ZNF292: variants seen among roughly 807,000 people sequenced by gnomAD.
The protein encoded by ZNF292 is 16 zinc-finger domain protein.
Under a neutral mutation model 217.9 loss-of-function variants are expected in ZNF292, and 26 were observed. The ratio of observed to expected loss-of-function variants is 0.12; its 90% CI spans 0.09 to 0.17. The LOEUF (loss-of-function observed/expected upper bound fraction) is 0.17, where lower values mean the gene tolerates loss of function less well. Ranked by LOEUF, ZNF292 falls within the 10% of genes least tolerant of loss-of-function variation. The probability of loss-of-function intolerance (pLI) is 1.00; values close to 1 mark genes in which losing one functional copy is unlikely to be tolerated. For synonymous variants in ZNF292, 1,257 were observed against 1,124.1 expected, an observed-to-expected ratio of 1.12 and a Z score of -2.37; for missense variants, 2,904 against 3,175.2, an observed-to-expected ratio of 0.91 and a Z score of 2.05.
intron 5 of ZNF292, among the ~76,000 whole-genome samples, 193 bp from the exon 6 acceptor site, chr6:87,243,282 T>TG (rs1774399852): frequency 6.8e-6 from 1 of 146,464 alleles, no homozygotes; most frequent in South Asian, 2.1e-4. Flanking sequence ...AAAGAAAGGT[T>TG]TTTTTTTTTT....
intron 1 of ZNF292, among the ~76,000 whole-genome samples, chr6:87,180,885 G>A (rs972090237): frequency 6.6e-5 from 10 of 152,118 alleles, no homozygotes; most frequent in Non-Finnish European, 1.3e-4. Flanking sequence ...ATTAATAATT[G>A]TAATTGAGAG....
chr6:87,209,743 T>TG (rs1772402961), intron 1 of ZNF292, among the ~76,000 whole-genome samples: 1 of 152,222 alleles, frequency 6.6e-6, no homozygotes, highest in Admixed American at 6.5e-5. Flanking sequence ...GGTAATGTGA[T>TG]GGGTTTATTG....
chr6:87,172,292 C>T lies in ZNF292; in HGVS notation c.168+16533C>T, dbSNP rs528261957. On this transcript the variant is annotated intron_variant, in intron 1 of 7. Coordinates refer to ENST00000369577, the MANE Select transcript of ZNF292 (RefSeq NM_015021.3). ...AGTAGTCAGAATCACATTTATCTTG[C>T]TTTCATCCGACTACTCCTCCAAGAC... Among the ~76,000 whole-genome samples the T allele has an allele frequency of 3.9e-5, 6 of 152,250 alleles. 1 individual carries two copies. The East Asian group carries it at 1.2e-3, about 29-fold the overall frequency.
chr6:87,160,442 TAC>T (rs1481689141), intron 1 of ZNF292, among the ~76,000 whole-genome samples: 1 of 152,020 alleles, frequency 6.6e-6, no homozygotes, highest in African/African-American at 2.4e-5. Context: ...AGGGTTGAAT[TAC>T]AGTCGTGTGT....
chr6:87,208,510 T>C (rs866476434), intron 1 of ZNF292, among the ~76,000 whole-genome samples: 2 of 152,170 alleles, frequency 1.3e-5, no homozygotes, highest in Non-Finnish European at 2.9e-5. Flanking sequence ...GTAGATGTAA[T>C]ATGTTTTCTC....
intron 7 of ZNF292, among the ~76,000 whole-genome samples, chr6:87,252,668 T>C (rs1379375783): frequency 1.9e-4 from 29 of 152,236 alleles, no homozygotes. Flanking sequence ...AGTATGCAGC[T>C]TCACAGACCA....
chr6:87,251,926 T>TGCA (rs1388910759), intron 7 of ZNF292, among the ~76,000 whole-genome samples: 1 of 152,218 alleles, frequency 6.6e-6, no homozygotes, highest in Non-Finnish European at 1.5e-5. Context: ...TGAATTTAGT[T>TGCA]GCAGACTGGA....
Position 87,159,403 on chromosome 6 carries a change from G to T in ZNF292, c.168+3644G>T, listed in dbSNP as rs1349378306. ...TTTTATTTTATTTTTGAGAGATGGG[G>T]TCTTGCTACATTGCCCAGGTATGAT... On this transcript the variant is annotated intron_variant, in intron 1 of 7. Coordinates refer to ENST00000369577, the MANE Select transcript of ZNF292 (RefSeq NM_015021.3). 2.0e-5 allele frequency among the ~76,000 whole-genome samples: 3 copies of T among 150,388 alleles called. No homozygotes were observed. The East Asian group carries it at 5.8e-4, about 29-fold the overall frequency.
At position 87,263,563 on chromosome 6, in the gene ZNF292, G is replaced by A. The variant is rs768518735; in HGVS notation, c.*1762G>A. On this transcript the variant is annotated 3_prime_UTR_variant, in exon 8 of 8. Coordinates refer to ENST00000369577, the MANE Select transcript of ZNF292 (RefSeq NM_015021.3). ...TTTTTAGGGCCTTTTGGGTTTTATT[G>A]AATAGTTCATTTCACCTGTTTAAGA... The A allele has an allele frequency of 6.6e-6, 1 of 151,488 alleles. No individual in the cohort carries two copies. The highest frequency in any genetic ancestry group is 1.5e-5 in the Non-Finnish European group (1 of 67,810). 9.4% of individuals were successfully genotyped at this position (151,488 alleles called of 1,614,324 possible). A position where few individuals can be genotyped will look rare whatever the true frequency, so the allele number is the denominator to read the frequency against.
intron 1 of ZNF292, among the ~76,000 whole-genome samples, chr6:87,192,521 A>G (rs970369219): frequency 6.6e-6 from 1 of 152,072 alleles, no homozygotes; most frequent in Admixed American, 6.5e-5. Context: ...TTTATCATGG[A>G]CACTCTTCCA....
In ZNF292 at chr6:87,217,318, T is replaced by C. The variant is rs1296212475; in HGVS notation, c.402+941T>C. Among the ~76,000 whole-genome samples, 4 of 152,084 alleles carry C rather than the reference T, an allele frequency of 2.6e-5. No homozygotes were observed. In the East Asian group the frequency reaches 7.7e-4, roughly 29 times the overall value. On this transcript the variant is annotated intron_variant, in intron 3 of 7. Transcript: ENST00000369577. ...CCTTGAAGGTGGAATTCATATCTTA[T>C]TTAACGTCATAGGATTCTGCATAAT...
chr6:87,179,622 T>G (rs1043139615), intron 1 of ZNF292, among the ~76,000 whole-genome samples: 7 of 152,198 alleles, frequency 4.6e-5, no homozygotes, highest in Non-Finnish European at 1.0e-4. Context: ...ATCATATGTA[T>G]AAATATATAT....
At chr6:87,215,779 C>T (rs1018328081) in intron 1 of ZNF292, 124 bp from the exon 2 acceptor site, 13 of 659,462 alleles carry the variant, frequency 2.0e-5, no homozygotes, top group Middle Eastern at 4.4e-4. Context: ...TCAATATAAA[C>T]TACTTTTTGT....
intron 1 of ZNF292, among the ~76,000 whole-genome samples, chr6:87,183,333 CT>C (rs1219752874): frequency 1.3e-5 from 2 of 151,528 alleles, no homozygotes; most frequent in African/African-American, 4.8e-5. Context: ...TTATCAAATA[CT>C]TTTTTTTTCT....
chr6:87,228,886 T>A (rs750090433), intron 4 of ZNF292, among the ~76,000 whole-genome samples: 8 of 152,188 alleles, frequency 5.3e-5, no homozygotes, highest in Non-Finnish European at 1.0e-4. Flanking sequence ...TTGTTCTTTG[T>A]CAGTTATTTT....
At chr6:87,254,505 C>T in intron 7 of ZNF292, 145 bp from the exon 8 acceptor site, 1 of 729,072 alleles carries the variant, frequency 1.4e-6, no homozygotes, top group South Asian at 2.0e-5. Flanking sequence ...CCAGACTAAG[C>T]TGCAGTGCTT....
intron 5 of ZNF292, among the ~76,000 whole-genome samples, 190 bp from the exon 6 acceptor site, chr6:87,243,285 T>G (rs1774400855): frequency 6.6e-6 from 1 of 151,772 alleles, no homozygotes; most frequent in Non-Finnish European, 1.5e-5. Context: ...GAAAGGTTTT[T>G]TTTTTTTTTT....
At position 87,187,717 on chromosome 6, in the gene ZNF292, A is replaced by C. The variant is rs77530388; in HGVS notation, c.169-28186A>C. Among the ~76,000 whole-genome samples the C allele has an allele frequency of 7.6e-4, 115 of 150,656 alleles. No individual in the cohort carries two copies. The Middle Eastern group carries it at 0.014, about 18-fold the overall frequency. ...GCAACAGAGTGGGACTCTGCCTCAA[A>C]AAAAAAAAAAAAAAAAAGTTTGATA... On this transcript the variant is annotated intron_variant, in intron 1 of 7. Transcript: ENST00000369577.
intron 1 of ZNF292, among the ~76,000 whole-genome samples, chr6:87,196,434 C>T (rs1181158693): frequency 1.3e-5 from 2 of 152,194 alleles, no homozygotes; most frequent in Non-Finnish European, 2.9e-5. Context: ...ATCAGTGTAT[C>T]ACTGGGAGAC....
Sources: allele counts gnomAD v4.1 joint callset (sites outside exome capture counted in the v4.1 genomes callset), GRCh38; gene constraint gnomAD v4.1.1; transcripts MANE v1.5; gene names NCBI Gene and HGNC (gene_info 2026-07-23, HGNC 2026-07-21).